WDR27: variants seen among roughly 807,000 people sequenced by gnomAD.
WDR27 encodes WD repeat-containing protein 27.
In WDR27, 100 loss-of-function variants were observed where a neutral mutation model predicts 114.4. The ratio of observed to expected loss-of-function variants is 0.87; its 90% CI spans 0.74 to 1.03. The LOEUF (loss-of-function observed/expected upper bound fraction) is 1.03, where lower values mean the gene tolerates loss of function less well. Among genes scored for constraint, WDR27 ranks in the 50% least tolerant of loss-of-function variants. The probability of loss-of-function intolerance (pLI) is 0.00; values close to 1 mark genes in which losing one functional copy is unlikely to be tolerated. For synonymous variants in WDR27, 449 were observed against 423.1 expected, an observed-to-expected ratio of 1.06 and a Z score of -0.75; for missense variants, 1,129 against 1,092.9, an observed-to-expected ratio of 1.03 and a Z score of -0.47.
At chr6:169,685,938 A>T (rs1322682819) in intron 2 of WDR27, among the ~76,000 whole-genome samples, 1 of 152,198 alleles carries the variant, frequency 6.6e-6, no homozygotes, top group Non-Finnish European at 1.5e-5. Flanking sequence ...ACAAAGAAAA[A>T]ATTAAAGCAG....
At chr6:169,539,261 T>C (rs1410402215) in intron 25 of WDR27, among the ~76,000 whole-genome samples, 2 of 152,192 alleles carry the variant, frequency 1.3e-5, no homozygotes, top group Non-Finnish European at 2.9e-5. Flanking sequence ...ACATCCTTCA[T>C]TGAGGGATCT....
At chr6:169,537,828 C>T (rs769231070) in intron 25 of WDR27, among the ~76,000 whole-genome samples, 19 of 151,806 alleles carry the variant, frequency 1.3e-4, no homozygotes, top group Non-Finnish European at 2.5e-4. Flanking sequence ...GGACAAAAGC[C>T]GGGGGAAATG....
Position 169,485,610 on chromosome 6 carries a change from A to G in WDR27, c.2646-27976T>C, listed in dbSNP as rs1788781954. 2.0e-5 allele frequency among the ~76,000 whole-genome samples: 3 copies of G among 152,328 alleles called. No individual in the cohort carries two copies. The South Asian group carries it at 6.2e-4, about 32-fold the overall frequency. Reference sequence around the variant, plus strand: ...TGGAAATCAGTGTGGTGATTGCTCAAAGATCTAAAGACAGAACTACCATTC... The same window carrying G: ...TGGAAATCAGTGTGGTGATTGCTCAGAGATCTAAAGACAGAACTACCATTC... On this transcript the variant is annotated intron_variant, in intron 25 of 25. Coordinates refer to ENST00000448612, the MANE Select transcript of WDR27 (RefSeq NM_182552.5).
chr6:169,596,332 T>C (rs549256096), intron 23 of WDR27, among the ~76,000 whole-genome samples: 1 of 152,192 alleles, frequency 6.6e-6, no homozygotes, highest in East Asian at 1.9e-4. Context: ...ACTTCTCTCA[T>C]TTGTATCCTT....
At chr6:169,461,782 A>C (rs1028673920) in intron 25 of WDR27, among the ~76,000 whole-genome samples, 1 of 151,992 alleles carries the variant, frequency 6.6e-6, no homozygotes, top group African/African-American at 2.4e-5. Flanking sequence ...AAAATAAACA[A>C]AATGGAGAAA....
At chr6:169,455,352 G>A (rs980936481), downstream of WDR27, among the ~76,000 whole-genome samples, 1 of 152,176 alleles carries the variant, frequency 6.6e-6, no homozygotes, top group Non-Finnish European at 1.5e-5. Flanking sequence ...ACAATGAGAC[G>A]ATGAATTGGA....
chr6:169,696,106 T>TA (rs1487698659), intron 1 of WDR27, among the ~76,000 whole-genome samples: 2 of 152,224 alleles, frequency 1.3e-5, no homozygotes, highest in African/African-American at 4.8e-5. Flanking sequence ...AAATCTGCAT[T>TA]AGTTTGTCAC....
At chr6:169,696,963 C>T (rs1189717303) in intron 1 of WDR27, among the ~76,000 whole-genome samples, 2 of 152,128 alleles carry the variant, frequency 1.3e-5, no homozygotes, top group Non-Finnish European at 1.5e-5. Flanking sequence ...TGACACCCAA[C>T]GTCTGATATC....
At chr6:169,695,815 C>G (rs1337429900) in intron 1 of WDR27, among the ~76,000 whole-genome samples, 1 of 152,146 alleles carries the variant, frequency 6.6e-6, no homozygotes, top group Admixed American at 6.6e-5. Flanking sequence ...AATTTAAATA[C>G]TTTCCTTAAC....
chr6:169,450,322 C>T, the WDR27 span, among the ~76,000 whole-genome samples: 1 of 152,208 alleles, frequency 6.6e-6, no homozygotes, highest in Non-Finnish European at 1.5e-5. Context: ...GGAATGCCAG[C>T]TCCGGGTTTC....
chr6:169,442,417 GGA>G, the WDR27 span, among the ~76,000 whole-genome samples: 1 of 152,114 alleles, frequency 6.6e-6, no homozygotes, highest in Non-Finnish European at 1.5e-5. Context: ...TCTAGAATCA[GGA>G]GAGATATGGA....
chr6:169,477,073 A>T (rs1562467295), intron 25 of WDR27, among the ~76,000 whole-genome samples: 1 of 152,224 alleles, frequency 6.6e-6, no homozygotes, highest in Non-Finnish European at 1.5e-5. Context: ...AACAAAACCA[A>T]ATGCTTCTTC....
intron 1 of WDR27, chr6:169,689,235 A>G: frequency 2.4e-6 from 1 of 409,042 alleles, no homozygotes; most frequent in South Asian, 3.9e-5. Context: ...TTTCCAGTTA[A>G]GCAAACCTTG....
chr6:169,608,903 A>G (rs1809861593), intron 22 of WDR27, among the ~76,000 whole-genome samples: 1 of 152,234 alleles, frequency 6.6e-6, no homozygotes, highest in African/African-American at 2.4e-5. Context: ...CCTAGATACA[A>G]TGGGGGTACA....
At chr6:169,491,567 C>A (rs1056904399) in intron 25 of WDR27, among the ~76,000 whole-genome samples, 8 of 151,908 alleles carry the variant, frequency 5.3e-5, no homozygotes, top group African/African-American at 1.9e-4. Context: ...ACAAAATTCT[C>A]CATAAACAGA....
At chr6:169,696,824 G>A (rs1355824336) in intron 1 of WDR27, among the ~76,000 whole-genome samples, 1 of 152,210 alleles carries the variant, frequency 6.6e-6, no homozygotes, top group African/African-American at 2.4e-5. Context: ...TGAGGCGGGA[G>A]AATCACTTGA....
At chr6:169,468,246 C>A (rs980874815) in intron 25 of WDR27, among the ~76,000 whole-genome samples, 1 of 152,212 alleles carries the variant, frequency 6.6e-6, no homozygotes, top group Non-Finnish European at 1.5e-5. Flanking sequence ...AAATTCCAAA[C>A]GTTCTCACAT....
intron 1 of WDR27, among the ~76,000 whole-genome samples, chr6:169,694,550 ACAATG>A (rs1317178850): frequency 6.6e-6 from 1 of 152,254 alleles, no homozygotes; most frequent in Non-Finnish European, 1.5e-5. Context: ...TGAGTGGAAT[ACAATG>A]CAGATGTTTT....
chr6:169,607,354 G>A (rs1216952399), intron 22 of WDR27, among the ~76,000 whole-genome samples: 1 of 151,094 alleles, frequency 6.6e-6, no homozygotes, highest in African/African-American at 2.4e-5. Flanking sequence ...CCATTAACAG[G>A]CGACTGAATA....
Sources: gnomAD v4.1 joint callset for allele counts (sites outside exome capture counted in the v4.1 genomes callset) on GRCh38, gnomAD v4.1.1 for gene constraint, MANE v1.5 for transcripts, NCBI Gene and HGNC (gene_info 2026-07-23, HGNC 2026-07-21) for gene names.